The following JAK2 variants were observed in gnomAD, a reference collection of about 807,000 sequenced individuals.
JAK2 encodes the protein tyrosine-protein kinase JAK2.
Under a neutral mutation model 139.3 loss-of-function variants are expected in JAK2, and 86 were observed. The observed-to-expected ratio is 0.62, with a 90% confidence interval of 0.52 to 0.74. The LOEUF is 0.74. JAK2 is among the 30% of genes least tolerant of loss of function. The pLI, the probability that JAK2 is intolerant of heterozygous loss-of-function variation, is 0.00. For synonymous variants in JAK2, 490 were observed against 437.7 expected, an observed-to-expected ratio of 1.12 and a Z score of -1.49; for missense variants, 1,421 against 1,360.3, an observed-to-expected ratio of 1.04 and a Z score of -0.70.
rs760162707 is a variant in JAK2, at chr9:5,127,749, T to C, written c.*958T>C. The C allele has an allele frequency of 4.3e-6, 1 of 232,512 alleles. No individual in the cohort carries two copies. Among genetic ancestry groups the C allele is most frequent in the Non-Finnish European group, 8.5e-6 (1 of 117,290 alleles). The allele number at this position is 232,512 out of a possible 1,614,324, so 14.4% of individuals were successfully genotyped here. A position where few individuals can be genotyped will look rare whatever the true frequency, so the allele number is the denominator to read the frequency against. ...TTAAGCCATAAAATAGATTAGATTG[T>C]TTTTTAAAAATGGATAGCTCATTAA... On this transcript the variant is annotated 3_prime_UTR_variant, in exon 25 of 25. Coordinates refer to ENST00000381652, the MANE Select transcript of JAK2 (RefSeq NM_004972.4).
chr9:5,074,471 A>G (rs1282289841), intron 14 of JAK2, among the ~76,000 whole-genome samples: 1 of 152,172 alleles, frequency 6.6e-6, no homozygotes, highest in African/African-American at 2.4e-5. Context: ...AACTTTAAAA[A>G]AATCATATGG....
At chr9:5,052,275 A>G (rs965085792) in intron 6 of JAK2, among the ~76,000 whole-genome samples, 4 of 152,158 alleles carry the variant, frequency 2.6e-5, no homozygotes, top group African/African-American at 9.6e-5. Flanking sequence ...GAATCATGTC[A>G]TCTATTGCTC....
At chr9:5,016,646 T>C (rs1266502107) in intron 2 of JAK2, among the ~76,000 whole-genome samples, 2 of 152,202 alleles carry the variant, frequency 1.3e-5, no homozygotes, top group Admixed American at 6.5e-5. Context: ...GAACACACCT[T>C]TGTTAACCAC....
chr9:4,986,438 C>G (rs1383307617), intron 2 of JAK2, among the ~76,000 whole-genome samples: 1 of 152,134 alleles, frequency 6.6e-6, no homozygotes, highest in Non-Finnish European at 1.5e-5. Context: ...TTTTATCTGC[C>G]TAAGCTTGCT....
intron 19 of JAK2, among the ~76,000 whole-genome samples, chr9:5,089,178 A>T (rs1820363279): frequency 6.6e-6 from 1 of 152,190 alleles, no homozygotes; most frequent in Non-Finnish European, 1.5e-5. Flanking sequence ...AAATTTACAG[A>T]TTTACTACCC....
At chr9:5,033,261 T>C (rs891072448) in intron 4 of JAK2, among the ~76,000 whole-genome samples, 1 of 152,248 alleles carries the variant, frequency 6.6e-6, no homozygotes, top group African/African-American at 2.4e-5. Flanking sequence ...AGACCAAATC[T>C]ACGTCTCATT....
chr9:5,122,895 C>T (rs1823718928), intron 22 of JAK2, 109 bp from the exon 23 acceptor site: 1 of 677,388 alleles, frequency 1.5e-6, no homozygotes, highest in South Asian at 2.6e-5. Flanking sequence ...GCTGTGATAA[C>T]TCTTTTCTCT....
At position 5,123,126 on chromosome 9, in the gene JAK2, G is replaced by C; in HGVS notation, c.3177+5G>C. ...AAGAGTAAAAGTCCACCAGCGGTCA[G>C]TGTGCTTTTTATTTACTTTCAGTTT... On this transcript the variant is annotated splice_donor_5th_base_variant and intron_variant, in intron 23 of 24. Transcript: ENST00000381652. 6.5e-7 allele frequency: 1 copy of C among 1,547,570 alleles called. No individual in the cohort carries two copies. The highest frequency in any genetic ancestry group is 1.2e-5 in the South Asian group (1 of 84,542).
At chr9:5,015,533 CTTTTCT>C (rs553647462) in intron 2 of JAK2, among the ~76,000 whole-genome samples, 31,535 of 130,756 alleles carry the variant, frequency 0.24, 3,234 homozygotes, top group African/African-American at 0.31. Flanking sequence ...TTTTCTTTTT[CTTTTCT>C]TTTTTTTTTT....
rs371734553 is a variant in JAK2, at chr9:5,072,566, A to C, written c.1716A>C (p.Gln572His). The C allele has an allele frequency of 1.2e-6, 2 of 1,611,514 alleles. No individual in the cohort carries two copies. The highest frequency in any genetic ancestry group is 1.7e-6 in the Non-Finnish European group (2 of 1,178,288). The change falls in exon 13 of 25, where the codon CAA (glutamine) becomes CAC (histidine). Residue 572 changes from glutamine to histidine, a missense_variant. Physicochemically the swap from Gln to His is conservative, Grantham distance 24. Transcript: ENST00000381652. ...GAAGAGAAGTAGGAGACTACGGTCA[A>C]CTGCATGAAACAGAAGTTCTTTTAA... ...GVRREVGDYG[Q>H]LHETEVLLKV...
intron 2 of JAK2, among the ~76,000 whole-genome samples, chr9:5,012,220 A>C (rs960621621): frequency 3.3e-5 from 5 of 152,130 alleles, no homozygotes; most frequent in African/African-American, 7.2e-5. Context: ...CTGCCTGTAC[A>C]CAACAGACTG....
In JAK2 at chr9:5,078,521, T is replaced by G. The variant is rs1266238301; in HGVS notation, c.2131+77T>G. On this transcript the variant is annotated intron_variant, in intron 16 of 24. Coordinates refer to ENST00000381652, the MANE Select transcript of JAK2 (RefSeq NM_004972.4). ...GGTGTAAAGGGCATGTTGTTAATTT[T>G]CCTTGAATTCCATTTAATTTGTATG... 3 of 1,059,276 alleles carry G rather than the reference T, an allele frequency of 2.8e-6. No individual in the cohort carries two copies. In the African/African-American group the frequency reaches 4.8e-5, roughly 17 times the overall value. The allele number at this position is 1,059,276 out of a possible 1,614,324, so 65.6% of individuals were successfully genotyped here. A position where few individuals can be genotyped will look rare whatever the true frequency, so the allele number is the denominator to read the frequency against.
chr9:5,122,874 G>A lies in JAK2; in HGVS notation c.3060-130G>A, dbSNP rs1586841871. ...CAAAAAGGCCCTTTTAATCATAGAA[G>A]CCTCAGGCCTGCTGTGATAACTCTT... On this transcript the variant is annotated intron_variant, in intron 22 of 24. Coordinates refer to ENST00000381652, the MANE Select transcript of JAK2 (RefSeq NM_004972.4). 7 of 508,434 alleles carry A rather than the reference G, an allele frequency of 1.4e-5. No individual in the cohort carries two copies. The Admixed American group carries it at 2.3e-4, about 17-fold the overall frequency. 31.5% of individuals were successfully genotyped at this position (508,434 alleles called of 1,614,324 possible).
rs1375936668 is a variant in JAK2 at position 5,128,766 on chromosome 9, A to G, written c.*1975A>G. On this transcript the variant is annotated 3_prime_UTR_variant, in exon 25 of 25. Coordinates refer to ENST00000381652, the MANE Select transcript of JAK2 (RefSeq NM_004972.4). ...AGTTTTCCATTTTGATTCTGACTACACATAAAAATAAGATAACCCTGTAGT... is the reference window on the plus strand; with the variant it reads ...AGTTTTCCATTTTGATTCTGACTACGCATAAAAATAAGATAACCCTGTAGT... 6.6e-6 allele frequency among the ~76,000 whole-genome samples: 1 copy of G among 151,970 alleles called. No individual in the cohort carries two copies. The highest frequency in any genetic ancestry group is 2.1e-4 in the South Asian group (1 of 4,828).
Position 5,126,731 on chromosome 9 carries a change from C to A in JAK2, c.3339C>A (p.Arg1113=). Residue 1113 remains arginine (R), a synonymous_variant, in exon 25 of 25, where the codon CGC becomes CGA. Transcript: ENST00000381652. ...GCTGGAACAATAATGTAAATCAACG[C>A]CCCTCCTTTAGGGATCTAGCTCTTC... is the stretch of plus-strand genomic sequence containing the variant. ...TECWNNNVNQ[R]PSFRDLALRV... 1.2e-6 allele frequency: 2 copies of A among 1,611,062 alleles called. No homozygotes were observed. The highest frequency in any genetic ancestry group is 1.7e-6 in the Non-Finnish European group (2 of 1,177,778).
Position 5,129,211 on chromosome 9 carries a change from G to T in JAK2, c.*2420G>T, listed in dbSNP as rs916252682. Among the ~76,000 whole-genome samples the T allele has an allele frequency of 2.0e-5, 3 of 152,028 alleles. No homozygotes were observed. Among genetic ancestry groups the T allele is most frequent in the African/African-American group, 7.2e-5 (3 of 41,428 alleles). The stretch of plus-strand genomic sequence containing the variant: ...ATCTTGATGGTGGGTGTGGCATTAT[G>T]TGCTCACTTTATTGAGCCTATGTTA... On this transcript the variant is annotated 3_prime_UTR_variant, in exon 25 of 25. Coordinates refer to ENST00000381652, the MANE Select transcript of JAK2 (RefSeq NM_004972.4).
At chr9:5,106,099 A>T (rs1289010138) in intron 22 of JAK2, among the ~76,000 whole-genome samples, 2 of 152,226 alleles carry the variant, frequency 1.3e-5, no homozygotes, top group East Asian at 1.9e-4. Flanking sequence ...ACAGCAAAAC[A>T]AACTACCATT....
intron 22 of JAK2, among the ~76,000 whole-genome samples, chr9:5,092,567 C>G (rs1820669369): frequency 6.6e-6 from 1 of 152,102 alleles, no homozygotes. Context: ...AATAGAAATT[C>G]TTATCTTGGC....
At chr9:5,107,322 A>G (rs541533786) in intron 22 of JAK2, among the ~76,000 whole-genome samples, 85 of 152,240 alleles carry the variant, frequency 5.6e-4, no homozygotes, top group African/African-American at 1.9e-3. Flanking sequence ...ATATAGATAA[A>G]TCCAGCCCCT....
Sources: gnomAD v4.1 joint callset for allele counts (sites outside exome capture counted in the v4.1 genomes callset) on GRCh38, gnomAD v4.1.1 for gene constraint, MANE v1.5 for transcripts, NCBI Gene and HGNC (gene_info 2026-07-23, HGNC 2026-07-21) for gene names.